Variants in FHIT observed in about 807,000 individuals in gnomAD.
FHIT encodes bis(5'-adenosyl)-triphosphatase.
A neutral mutation model predicts 17.9 loss-of-function variants in FHIT; 19 were observed. The ratio of observed to expected loss-of-function variants is 1.06; its 90% CI spans 0.74 to 1.56. The LOEUF is 1.56. Among genes scored for constraint, FHIT ranks in the 40% most tolerant of loss-of-function variants. FHIT has a pLI of 0.00. For synonymous variants in FHIT, 81 were observed against 69.7 expected (o/e 1.16, Z -0.81); for missense variants, 248 against 189.2 (o/e 1.31, Z -1.82).
chr3:60,028,473 A>G (rs1055082711), intron 5 of FHIT, among the ~76,000 whole-genome samples: 1 of 152,334 alleles, frequency 6.6e-6, no homozygotes, highest in East Asian at 1.9e-4. Context: ...TCAGTGACTG[A>G]TCACTGCACA....
chr3:60,880,873 G>C (rs1034646963), intron 3 of FHIT, among the ~76,000 whole-genome samples: 2 of 151,948 alleles, frequency 1.3e-5, no homozygotes, highest in African/African-American at 4.8e-5. Flanking sequence ...AAAGAACAAA[G>C]GATATGCAAA....
intron 5 of FHIT, among the ~76,000 whole-genome samples, chr3:60,381,486 A>G (rs1173411173): frequency 6.7e-6 from 1 of 150,084 alleles, no homozygotes; most frequent in Non-Finnish European, 1.5e-5. Flanking sequence ...CTCAAAAAAA[A>G]AAAGAAAAGA....
In FHIT at chr3:60,635,387, C is replaced by T. The variant is rs73835790; in HGVS notation, c.-17-98408G>A. On this transcript the variant is annotated intron_variant, in intron 4 of 9. Coordinates refer to ENST00000492590, the MANE Select transcript of FHIT (RefSeq NM_002012.4). Reference sequence around the variant, plus strand: ...AAGCCCGTGGCCAATTTCTGGCCTCCCTTTACTGAACCACTTAGTGGCATT... The same window carrying T: ...AAGCCCGTGGCCAATTTCTGGCCTCTCTTTACTGAACCACTTAGTGGCATT... Among the ~76,000 whole-genome samples the T allele has an allele frequency of 2.4e-3, 362 of 152,308 alleles. 3 individuals are homozygous for T. Among genetic ancestry groups the T allele is most frequent in the African/African-American group, 8.4e-3 (350 of 41,572 alleles).
At chr3:60,512,205 T>C (rs186115388) in intron 5 of FHIT, among the ~76,000 whole-genome samples, 28 of 152,310 alleles carry the variant, frequency 1.8e-4, no homozygotes, top group African/African-American at 6.0e-4. Context: ...TAGGAAAAGA[T>C]TGACTGATAT....
intron 4 of FHIT, among the ~76,000 whole-genome samples, chr3:60,741,617 C>G (rs375583112): frequency 6.6e-6 from 1 of 152,240 alleles, no homozygotes; most frequent in Admixed American, 6.5e-5. Flanking sequence ...TCCCCCCAGG[C>G]ACTTCAAGTC....
chr3:59,799,015 T>C (rs181896284), intron 8 of FHIT, among the ~76,000 whole-genome samples: 2 of 152,322 alleles, frequency 1.3e-5, no homozygotes, highest in Admixed American at 1.3e-4. Context: ...ATGCTGAATC[T>C]AAACAAACCA....
intron 3 of FHIT, among the ~76,000 whole-genome samples, chr3:61,022,301 T>C (rs1285944775): frequency 6.6e-6 from 1 of 152,150 alleles, no homozygotes; most frequent in Non-Finnish European, 1.5e-5. Flanking sequence ...CAGGAAGAAG[T>C]CGAATCCCTG....
chr3:60,089,433 G>A (rs936631139), intron 5 of FHIT, among the ~76,000 whole-genome samples: 5 of 152,130 alleles, frequency 3.3e-5, no homozygotes, highest in Non-Finnish European at 5.9e-5. Context: ...AGTAGATGAA[G>A]CTCAACAAAT....
chr3:61,141,058 T>A (rs1282597787), intron 2 of FHIT, among the ~76,000 whole-genome samples: 1 of 152,176 alleles, frequency 6.6e-6, no homozygotes, highest in Non-Finnish European at 1.5e-5. Context: ...TGAGGATACA[T>A]ATGTTCAACA....
intron 5 of FHIT, chr3:60,536,365 T>C (rs2035981053): frequency 6.6e-6 from 1 of 152,268 alleles, no homozygotes; most frequent in African/African-American, 2.4e-5. Flanking sequence ...TAAGTATATC[T>C]ATAATATAAA....
intron 5 of FHIT, among the ~76,000 whole-genome samples, chr3:60,114,072 T>A (rs7641937): frequency 0.012 from 990 of 82,134 alleles, 36 homozygotes; most frequent in African/African-American, 0.033. Flanking sequence ...TATATATATA[T>A]AATGTTATAT....
At chr3:60,883,900 GAGACAATCAAC>G (rs1339145415) in intron 3 of FHIT, among the ~76,000 whole-genome samples, 1 of 152,098 alleles carries the variant, frequency 6.6e-6, no homozygotes, top group Non-Finnish European at 1.5e-5. Context: ...TACAGCAAAG[GAGACAATCAAC>G]AGAATGAAGA....
intron 7 of FHIT, among the ~76,000 whole-genome samples, chr3:59,971,063 T>G (rs552760919): frequency 6.6e-6 from 1 of 152,190 alleles, no homozygotes; most frequent in Admixed American, 6.6e-5. Flanking sequence ...GGAGAAACTC[T>G]GAAATTGGGA....
intron 2 of FHIT, among the ~76,000 whole-genome samples, chr3:61,113,166 A>G (rs745616272): frequency 7.2e-5 from 11 of 151,894 alleles, no homozygotes; most frequent in Non-Finnish European, 1.6e-4. Flanking sequence ...ACCAAGACTG[A>G]CTAATGTTTT....
intron 3 of FHIT, among the ~76,000 whole-genome samples, chr3:60,919,365 A>G (rs1428173336): frequency 1.3e-5 from 2 of 151,900 alleles, no homozygotes; most frequent in Non-Finnish European, 2.9e-5. Flanking sequence ...ACTTTATACT[A>G]TATGTGAATT....
At chr3:60,167,499 T>C (rs1159976184) in intron 5 of FHIT, among the ~76,000 whole-genome samples, 1 of 152,170 alleles carries the variant, frequency 6.6e-6, no homozygotes, top group Non-Finnish European at 1.5e-5. Context: ...ATGATAGAAA[T>C]GCAACTAGTA....
intron 5 of FHIT, among the ~76,000 whole-genome samples, chr3:60,135,685 G>A (rs1260699553): frequency 1.3e-5 from 2 of 152,114 alleles, no homozygotes; most frequent in African/African-American, 4.8e-5. Context: ...AGTGAGCAGA[G>A]GTCTCAGCAG....
chr3:60,838,692 G>A (rs1702616950), intron 3 of FHIT, among the ~76,000 whole-genome samples: 1 of 151,990 alleles, frequency 6.6e-6, no homozygotes, highest in African/African-American at 2.4e-5. Flanking sequence ...TGTAGGAAGA[G>A]CTAAAAAAAT....
chr3:61,134,100 T>TACACACACAC (rs150931006), intron 2 of FHIT, among the ~76,000 whole-genome samples: 7,923 of 134,872 alleles, frequency 0.059, 318 homozygotes, highest in African/African-American at 0.082. Flanking sequence ...CACACACACA[T>TACACACACAC]ACACACACAC....
Sources: allele counts gnomAD v4.1 joint callset (sites outside exome capture counted in the v4.1 genomes callset), GRCh38; gene constraint gnomAD v4.1.1; transcripts MANE v1.5; gene names NCBI Gene and HGNC (gene_info 2026-07-23, HGNC 2026-07-21).